INSL6: variants seen among roughly 807,000 people sequenced by gnomAD.
INSL6 encodes the protein insulin like 6.
INSL6 carries 16 observed loss-of-function variants against 9.4 expected under a neutral mutation model. That is an observed-to-expected ratio of 1.70 (90% CI 1.15 to 2.59). The LOEUF (loss-of-function observed/expected upper bound fraction) is 2.59, where lower values mean the gene tolerates loss of function less well. INSL6 is among the 30% of genes most tolerant of loss of function. The pLI, the probability that INSL6 is intolerant of heterozygous loss-of-function variation, is 0.00. For synonymous variants in INSL6, 154 were observed against 96.9 expected, an observed-to-expected ratio of 1.59 and a Z score of -3.46; for missense variants, 391 against 257.3, an observed-to-expected ratio of 1.52 and a Z score of -3.56.
the INSL6 span, among the ~76,000 whole-genome samples, chr9:5,003,671 C>A: frequency 2.0e-5 from 3 of 151,966 alleles, no homozygotes. Context: ...TTTACTTATC[C>A]TTTCTAATCA....
At chr9:5,173,668 A>G (rs1825234159) in intron 1 of INSL6, among the ~76,000 whole-genome samples, 1 of 152,108 alleles carries the variant, frequency 6.6e-6, no homozygotes, top group Non-Finnish European at 1.5e-5. Context: ...GCTGAGCTTA[A>G]TGCCTAGGTG....
the INSL6 span, among the ~76,000 whole-genome samples, chr9:5,015,426 T>G: frequency 6.6e-6 from 1 of 152,218 alleles, no homozygotes; most frequent in Non-Finnish European, 1.5e-5. Context: ...AGTTGACATA[T>G]GCACAAATGG....
chr9:5,092,123 C>T, the INSL6 span, among the ~76,000 whole-genome samples: 3 of 152,174 alleles, frequency 2.0e-5, no homozygotes, highest in Admixed American at 6.5e-5. Flanking sequence ...TACATAAAAA[C>T]GTTAGGTCAA....
At chr9:5,088,426 C>T in the INSL6 span, among the ~76,000 whole-genome samples, 2 of 152,086 alleles carry the variant, frequency 1.3e-5, no homozygotes, top group South Asian at 2.1e-4. Flanking sequence ...ATCCAAAATA[C>T]ACTAATTTGA....
the INSL6 span, among the ~76,000 whole-genome samples, chr9:5,002,989 G>C: frequency 6.6e-6 from 1 of 151,938 alleles, no homozygotes; most frequent in East Asian, 1.9e-4. Context: ...GTTTTGAAAT[G>C]ACCAATATTT....
chr9:5,121,025 T>C (rs1325344670), downstream of INSL6, among the ~76,000 whole-genome samples: 2 of 152,176 alleles, frequency 1.3e-5, no homozygotes, highest in Non-Finnish European at 2.9e-5. Flanking sequence ...TGGATGATAC[T>C]ATCTAAGGGA....
At position 5,175,456 on chromosome 9, in the gene INSL6, C is replaced by T. The variant is rs1228901323; in HGVS notation, c.289+9858G>A. Among the ~76,000 whole-genome samples, 4 of 152,200 alleles carry T rather than the reference C, an allele frequency of 2.6e-5. No homozygotes were observed. In the East Asian group the frequency reaches 7.7e-4, roughly 29 times the overall value. On this transcript the variant is annotated intron_variant, in intron 1 of 1. Transcript: ENST00000381641. ...AAATGTCAATTATGTCACTTCTCTG[C>T]TCAAAAATCTTAATGACTCCTTGCA...
downstream of INSL6, among the ~76,000 whole-genome samples, chr9:5,123,632 GAT>G (rs1823778027): frequency 6.6e-6 from 1 of 151,834 alleles, no homozygotes; most frequent in Non-Finnish European, 1.5e-5. Context: ...GTATCTTTTT[GAT>G]ACAGTGATTT....
At chr9:5,131,875 A>C (rs1014133484) in intron 3 of INSL6, 2 of 152,228 alleles carry the variant, frequency 1.3e-5, no homozygotes, top group Non-Finnish European at 2.9e-5. Context: ...GAGGCATTTA[A>C]AAATTAAAAT....
At chr9:5,048,065 A>G in the INSL6 span, among the ~76,000 whole-genome samples, 1 of 152,220 alleles carries the variant, frequency 6.6e-6, no homozygotes, top group South Asian at 2.1e-4. Context: ...CTCATTTTTC[A>G]TATATTTATT....
chr9:5,085,363 G>A, the INSL6 span: 1 of 905,512 alleles, frequency 1.1e-6, no homozygotes, highest in Non-Finnish European at 1.8e-6. Context: ...GTACTGATAG[G>A]TGATCTCATG....
the INSL6 span, chr9:5,044,606 C>T: frequency 3.7e-6 from 3 of 821,362 alleles, no homozygotes; most frequent in Non-Finnish European, 5.7e-6. Context: ...AAAAACTTTA[C>T]ATATGGGAAA....
At chr9:5,041,077 A>G in the INSL6 span, 1 of 695,914 alleles carries the variant, frequency 1.4e-6, no homozygotes, top group South Asian at 1.5e-5. Context: ...CAGGTCTACT[A>G]CCTACTACAG....
chr9:5,104,647 T>G, the INSL6 span, among the ~76,000 whole-genome samples: 1 of 152,120 alleles, frequency 6.6e-6, no homozygotes, highest in African/African-American at 2.4e-5. Context: ...AACGTCGATG[T>G]GAAAATCCTC....
chr9:5,010,919 T>C, the INSL6 span, among the ~76,000 whole-genome samples: 4 of 152,200 alleles, frequency 2.6e-5, no homozygotes, highest in East Asian at 1.9e-4. Flanking sequence ...TGTAGAATTC[T>C]GGGTTGACAG....
chr9:5,130,855 C>A (rs1048508690), intron 3 of INSL6, among the ~76,000 whole-genome samples: 2 of 150,300 alleles, frequency 1.3e-5, no homozygotes, highest in African/African-American at 2.4e-5. Context: ...CAGCCTCCCG[C>A]GTAGCTGGGA....
the INSL6 span, chr9:5,021,912 T>TG: frequency 9.4e-7 from 1 of 1,063,176 alleles, no homozygotes; most frequent in Non-Finnish European, 1.4e-6. Context: ...GGATTACAGG[T>TG]GTGAGACACT....
intron 2 of INSL6, among the ~76,000 whole-genome samples, chr9:5,154,442 G>C (rs1271874472): frequency 6.6e-6 from 1 of 152,092 alleles, no homozygotes; most frequent in Non-Finnish European, 1.5e-5. Flanking sequence ...AACACCAAAA[G>C]CAATGGCAAC....
chr9:5,085,147 T>A, the INSL6 span: 1 of 646,708 alleles, frequency 1.5e-6, no homozygotes, highest in Non-Finnish European at 3.0e-6. Flanking sequence ...TAATACATAC[T>A]GTGGAGCTCT....
Sources: gnomAD v4.1 joint callset for allele counts (sites outside exome capture counted in the v4.1 genomes callset) on GRCh38, gnomAD v4.1.1 for gene constraint, MANE v1.5 for transcripts, NCBI Gene and HGNC (gene_info 2026-07-23, HGNC 2026-07-21) for gene names.